Variants in GPC5 observed in about 807,000 individuals in gnomAD.
The protein encoded by GPC5 is glypican-5.
In GPC5, 47 loss-of-function variants were observed where a neutral mutation model predicts 53.9. That is an observed-to-expected ratio of 0.87 (90% CI 0.69 to 1.11). GPC5 has a LOEUF of 1.11. GPC5 is among the 50% of genes most tolerant of loss of function. The probability of loss-of-function intolerance (pLI) is 0.00; values close to 1 mark genes in which losing one functional copy is unlikely to be tolerated. For missense variants in GPC5, 748 were observed against 713.1 expected, an observed-to-expected ratio of 1.05 and a Z score of -0.56; for synonymous variants, 286 against 263.3, an observed-to-expected ratio of 1.09 and a Z score of -0.84.
chr13:91,481,804 C>T (rs951745601), intron 2 of GPC5, among the ~76,000 whole-genome samples: 2 of 152,126 alleles, frequency 1.3e-5, no homozygotes, highest in Admixed American at 6.6e-5. Context: ...AAAGATGATA[C>T]CTGTGGAAGG....
chr13:91,801,277 G>GTGTGTC (rs2038132069), intron 5 of GPC5, among the ~76,000 whole-genome samples: 1 of 151,786 alleles, frequency 6.6e-6, no homozygotes, highest in Non-Finnish European at 1.5e-5. Flanking sequence ...GTGTGTGTGT[G>GTGTGTC]TGTGTGTGTG....
intron 7 of GPC5, among the ~76,000 whole-genome samples, chr13:92,314,853 G>A (rs1360665720): frequency 1.3e-5 from 2 of 152,102 alleles, no homozygotes; most frequent in Admixed American, 6.6e-5. Context: ...GCTCACTGCA[G>A]CCTCAACACC....
intron 7 of GPC5, among the ~76,000 whole-genome samples, chr13:92,787,693 A>AG (rs1876298060): frequency 6.7e-6 from 1 of 149,102 alleles, no homozygotes; most frequent in Non-Finnish European, 1.5e-5. Flanking sequence ...AGAAAAGAAA[A>AG]GAAAGAAAGA....
chr13:91,508,387 A>G (rs1885060464), intron 2 of GPC5, among the ~76,000 whole-genome samples: 1 of 152,222 alleles, frequency 6.6e-6, no homozygotes, highest in African/African-American at 2.4e-5. Flanking sequence ...TTAGACGAAT[A>G]GTGGCAATTA....
chr13:91,424,187 A>T (rs1189598180), intron 1 of GPC5, among the ~76,000 whole-genome samples: 2 of 152,166 alleles, frequency 1.3e-5, no homozygotes, highest in East Asian at 3.9e-4. Flanking sequence ...ATAGTAACTG[A>T]TAGGTTTTAT....
At chr13:92,585,679 T>G (rs1306029258) in intron 7 of GPC5, among the ~76,000 whole-genome samples, 1 of 152,106 alleles carries the variant, frequency 6.6e-6, no homozygotes, top group Non-Finnish European at 1.5e-5. Flanking sequence ...ATAATATGGT[T>G]TGGCTGTGTC....
chr13:91,851,666 A>G (rs1471773210), intron 5 of GPC5, among the ~76,000 whole-genome samples: 2 of 100,716 alleles, frequency 2.0e-5, no homozygotes, highest in Non-Finnish European at 1.9e-5. Context: ...CCACCCCACA[A>G]CAGTCCCCAG....
At chr13:91,709,522 TTATC>T in intron 3 of GPC5, among the ~76,000 whole-genome samples, 1 of 152,162 alleles carries the variant, frequency 6.6e-6, no homozygotes, top group Non-Finnish European at 1.5e-5. Context: ...CCAAGCACCT[TTATC>T]TAGCTAATGT....
intron 7 of GPC5, among the ~76,000 whole-genome samples, chr13:92,413,192 T>G (rs1295941372): frequency 6.6e-6 from 1 of 152,182 alleles, no homozygotes. Flanking sequence ...CTCTCTTGAC[T>G]CTAAATACAG....
chr13:92,363,296 TATC>T (rs1230216086), intron 7 of GPC5, among the ~76,000 whole-genome samples: 1 of 151,558 alleles, frequency 6.6e-6, no homozygotes, highest in Non-Finnish European at 1.5e-5. Flanking sequence ...GTCAGAAGGT[TATC>T]ATCTTAAGAA....
intron 7 of GPC5, among the ~76,000 whole-genome samples, chr13:92,421,657 C>G (rs996128954): frequency 7.0e-6 from 1 of 142,346 alleles, no homozygotes; most frequent in Non-Finnish European, 1.5e-5. Context: ...TGAGATCGCG[C>G]CACTGCACTC....
intron 2 of GPC5, chr13:91,486,084 C>A (rs989140415): frequency 6.6e-6 from 1 of 152,236 alleles, no homozygotes; most frequent in Non-Finnish European, 1.5e-5. Flanking sequence ...CTCAGGATAA[C>A]TTAAAGTTCC....
intron 2 of GPC5, among the ~76,000 whole-genome samples, chr13:91,473,212 C>T (rs1882738396): frequency 6.6e-6 from 1 of 152,070 alleles, no homozygotes; most frequent in Non-Finnish European, 1.5e-5. Flanking sequence ...CTATCACATC[C>T]CTCCCTTGAC....
intron 7 of GPC5, among the ~76,000 whole-genome samples, chr13:92,543,567 C>T (rs1458242740): frequency 6.6e-6 from 1 of 151,932 alleles, no homozygotes; most frequent in Non-Finnish European, 1.5e-5. Flanking sequence ...GCACCATTTT[C>T]CTAGGATGCA....
intron 7 of GPC5, among the ~76,000 whole-genome samples, chr13:92,385,365 T>TATATATACATATATAC (rs1457917598): frequency 2.1e-5 from 1 of 46,762 alleles, no homozygotes; most frequent in Non-Finnish European, 5.3e-5. Flanking sequence ...CATATATACA[T>TATATATACATATATAC]ATATATACAT....
chr13:92,363,058 C>T (rs1045825203), intron 7 of GPC5, among the ~76,000 whole-genome samples: 32 of 151,602 alleles, frequency 2.1e-4, no homozygotes, highest in Admixed American at 3.3e-4. Flanking sequence ...ACCAGAGAGG[C>T]AGGAGTTTCA....
At chr13:92,621,363 G>A (rs565928442) in intron 7 of GPC5, among the ~76,000 whole-genome samples, 6 of 152,236 alleles carry the variant, frequency 3.9e-5, no homozygotes, top group Admixed American at 1.3e-4. Flanking sequence ...GCCAGAGGTC[G>A]TGCCTCTGTT....
At chr13:92,548,985 A>G (rs530392599) in intron 7 of GPC5, among the ~76,000 whole-genome samples, 46 of 152,328 alleles carry the variant, frequency 3.0e-4, no homozygotes, top group South Asian at 6.2e-4. Context: ...AAGTTTAGAG[A>G]TAAGCATTTA....
At chr13:91,459,698 C>T (rs1399154000) in intron 2 of GPC5, among the ~76,000 whole-genome samples, 1 of 152,014 alleles carries the variant, frequency 6.6e-6, no homozygotes, top group Non-Finnish European at 1.5e-5. Flanking sequence ...CAGAGACATC[C>T]AGTGGAGGCT....
Sources: gnomAD v4.1 joint callset for allele counts (sites outside exome capture counted in the v4.1 genomes callset) on GRCh38, gnomAD v4.1.1 for gene constraint, MANE v1.5 for transcripts, NCBI Gene and HGNC (gene_info 2026-07-23, HGNC 2026-07-21) for gene names.